The following HECW2 variants were observed in gnomAD, a reference collection of about 807,000 sequenced individuals.
The protein encoded by HECW2 is HECT, C2 and WW domain containing E3 ubiquitin protein ligase 2.
A neutral mutation model predicts 175.2 loss-of-function variants in HECW2; 61 were observed. The ratio of observed to expected loss-of-function variants is 0.35; its 90% CI spans 0.28 to 0.43. HECW2 has a LOEUF of 0.43. Among genes scored for constraint, HECW2 ranks in the 20% least tolerant of loss-of-function variants. HECW2 has a pLI of 1.00. For missense variants in HECW2, 1,524 were observed against 2,000.5 expected (o/e 0.76, Z 4.54); for synonymous variants, 671 against 731.0 (o/e 0.92, Z 1.32).
In HECW2 at chr2:196,220,025, A is replaced by G; in HGVS notation, c.4408+14T>C. On this transcript the variant is annotated intron_variant, in intron 26 of 28. Transcript: ENST00000644978. ...TGAAATTTAAAATCTAGCCATCTAT[A>G]AATCAAATTTCACCTCCTCTATATT... The G allele has an allele frequency of 6.7e-7, 1 of 1,496,174 alleles. No homozygotes were observed. Among genetic ancestry groups the G allele is most frequent in the Non-Finnish European group, 9.3e-7 (1 of 1,073,282 alleles). 92.7% of individuals were successfully genotyped at this position (1,496,174 alleles called of 1,614,324 possible). A position where few individuals can be genotyped will look rare whatever the true frequency, so the allele number is the denominator to read the frequency against.
intron 19 of HECW2, among the ~76,000 whole-genome samples, chr2:196,243,173 T>TTTG (rs1688523997): frequency 6.7e-6 from 1 of 149,880 alleles, no homozygotes; most frequent in African/African-American, 2.4e-5. Flanking sequence ...ATTGGATTCT[T>TTTG]TTTTTTTTTT....
At chr2:196,404,349 TAAAG>T (rs1559090981) in intron 2 of HECW2, among the ~76,000 whole-genome samples, 1 of 152,190 alleles carries the variant, frequency 6.6e-6, no homozygotes, top group African/African-American at 2.4e-5. Context: ...GATTCTGTAA[TAAAG>T]AGATTCTTCA....
rs560419889 is a variant in HECW2 at position 196,490,857 on chromosome 2, A to AATACCATATATACAATAT, written c.-35-57400_-35-57399insATATTGTATATATGGTAT. On this transcript the variant is annotated intron_variant, in intron 1 of 28. Transcript: ENST00000644978. ...GCTAAGTGAAGAAAGCCAAAACCAA[A>AATACCATATATACAATAT]ATACCATATATTGTATGATTCTAGT... Among the ~76,000 whole-genome samples the AATACCATATATACAATAT allele has an allele frequency of 3.8e-3, 579 of 152,304 alleles. 2 individuals are homozygous for AATACCATATATACAATAT. The highest frequency in any genetic ancestry group is 0.02 in the Middle Eastern group (6 of 294).
At chr2:196,416,810 A>T (rs1695268562) in intron 2 of HECW2, among the ~76,000 whole-genome samples, 1 of 152,216 alleles carries the variant, frequency 6.6e-6, no homozygotes, top group Non-Finnish European at 1.5e-5. Flanking sequence ...ACAGCCCATA[A>T]ACACAAGCTA....
At chr2:196,386,895 G>C (rs930398992) in intron 2 of HECW2, among the ~76,000 whole-genome samples, 3 of 152,224 alleles carry the variant, frequency 2.0e-5, no homozygotes, top group South Asian at 2.1e-4. Context: ...GATTGTAGTC[G>C]TTTGCTAGAA....
At chr2:196,441,187 G>T (rs1377608386) in intron 1 of HECW2, among the ~76,000 whole-genome samples, 1 of 152,112 alleles carries the variant, frequency 6.6e-6, no homozygotes, top group African/African-American at 2.4e-5. Flanking sequence ...GGAGGTGAAT[G>T]TCAATTTACT....
chr2:196,334,838 C>A (rs9808042), intron 3 of HECW2, among the ~76,000 whole-genome samples: 1 of 152,190 alleles, frequency 6.6e-6, no homozygotes, highest in Non-Finnish European at 1.5e-5. Flanking sequence ...TTATGTCTCA[C>A]GTTCATGTTG....
At chr2:196,485,654 T>C (rs773222968) in intron 1 of HECW2, among the ~76,000 whole-genome samples, 6 of 152,050 alleles carry the variant, frequency 3.9e-5, no homozygotes, top group South Asian at 4.2e-4. Context: ...ATCCAGACCA[T>C]AGTAAACATC....
At chr2:196,352,595 G>GTGGGGC (rs11283693) in intron 2 of HECW2, among the ~76,000 whole-genome samples, 53,859 of 151,482 alleles carry the variant, frequency 0.36, 12,990 homozygotes, top group African/African-American at 0.69. Context: ...CAAGCAGGGA[G>GTGGGGC]CCAACTGGAG....
intron 1 of HECW2, among the ~76,000 whole-genome samples, chr2:196,573,742 AAACAG>A (rs1690464658): frequency 6.6e-6 from 1 of 152,176 alleles, no homozygotes; most frequent in South Asian, 2.1e-4. Context: ...GAGGCTGGGG[AAACAG>A]AACAGTTCGA....
intron 2 of HECW2, among the ~76,000 whole-genome samples, chr2:196,422,570 C>A (rs1462140544): frequency 6.6e-6 from 1 of 152,016 alleles, no homozygotes; most frequent in Admixed American, 6.6e-5. Context: ...AAGCCCCCTG[C>A]CAACCCACAC....
chr2:196,214,144 T>C (rs904053433), intron 28 of HECW2, among the ~76,000 whole-genome samples: 2 of 152,190 alleles, frequency 1.3e-5, no homozygotes, highest in African/African-American at 4.8e-5. Flanking sequence ...CCTCAGAATT[T>C]CAAATCCACC....
chr2:196,360,667 AC>A (rs1320787102), intron 2 of HECW2, among the ~76,000 whole-genome samples: 2 of 152,092 alleles, frequency 1.3e-5, no homozygotes, highest in Non-Finnish European at 2.9e-5. Context: ...TACCTAACAA[AC>A]CTGCATATGT....
chr2:196,343,892 A>G (rs1692854171), intron 2 of HECW2, 128 bp from the exon 3 acceptor site: 2 of 639,046 alleles, frequency 3.1e-6, no homozygotes, highest in African/African-American at 1.8e-5. Flanking sequence ...ATTATTCTTA[A>G]TGACTACCTC....
chr2:196,551,964 C>T (rs181560562), intron 1 of HECW2, among the ~76,000 whole-genome samples: 41 of 152,290 alleles, frequency 2.7e-4, no homozygotes, highest in African/African-American at 9.1e-4. Flanking sequence ...ACTATCACTT[C>T]CTCAGCCTTC....
intron 1 of HECW2, among the ~76,000 whole-genome samples, chr2:196,543,281 T>C: frequency 6.6e-6 from 1 of 151,246 alleles, no homozygotes; most frequent in East Asian, 1.9e-4. Context: ...GAATTAGATA[T>C]ATATTTTTAT....
chr2:196,282,501 G>A (rs868752050), intron 14 of HECW2, among the ~76,000 whole-genome samples: 1 of 152,158 alleles, frequency 6.6e-6, no homozygotes, highest in Non-Finnish European at 1.5e-5. Context: ...AAAAACACAT[G>A]CAAGATATAT....
At chr2:196,492,704 G>A (rs1687244178) in intron 1 of HECW2, among the ~76,000 whole-genome samples, 1 of 152,032 alleles carries the variant, frequency 6.6e-6, no homozygotes. Context: ...AAATTTGGGG[G>A]GAAAAAAACT....
intron 21 of HECW2, among the ~76,000 whole-genome samples, chr2:196,234,189 T>C (rs1334768880): frequency 6.6e-6 from 1 of 151,962 alleles, no homozygotes. Context: ...GTAAACCTCC[T>C]CTCTTTACGC....
Sources: allele counts gnomAD v4.1 joint callset (sites outside exome capture counted in the v4.1 genomes callset), GRCh38; gene constraint gnomAD v4.1.1; transcripts MANE v1.5; gene names NCBI Gene and HGNC (gene_info 2026-07-23, HGNC 2026-07-21).